The following ANKS1A variants were observed in gnomAD, a reference collection of about 807,000 sequenced individuals.
ANKS1A encodes ankyrin repeat and sterile alpha motif domain containing 1A, also known as ankyrin repeat and SAM domain-containing protein 1A.
In ANKS1A, 55 loss-of-function variants were observed where a neutral mutation model predicts 120.3. The observed-to-expected ratio is 0.46, with a 90% CI of 0.37 to 0.57. The LOEUF is 0.57. Ranked by LOEUF, ANKS1A falls within the 20% of genes least tolerant of loss-of-function variation. The pLI, the probability that ANKS1A is intolerant of heterozygous loss-of-function variation, is 0.00. For synonymous variants in ANKS1A, 590 were observed against 604.7 expected (o/e 0.98, Z 0.36); for missense variants, 1,123 against 1,480.3 (o/e 0.76, Z 3.96).
chr6:34,929,442 T>C (rs1344937964), intron 1 of ANKS1A, among the ~76,000 whole-genome samples: 1 of 152,210 alleles, frequency 6.6e-6, no homozygotes, highest in Non-Finnish European at 1.5e-5. Flanking sequence ...GCAGATATGC[T>C]AGATGGGGAA....
At chr6:35,000,777 A>G (rs1773125635) in intron 10 of ANKS1A, among the ~76,000 whole-genome samples, 1 of 152,186 alleles carries the variant, frequency 6.6e-6, no homozygotes, top group Non-Finnish European at 1.5e-5. Context: ...TACCTTTGGT[A>G]AAAGGATTAT....
At chr6:35,054,674 C>T (rs551483981) in intron 12 of ANKS1A, among the ~76,000 whole-genome samples, 1 of 152,344 alleles carries the variant, frequency 6.6e-6, no homozygotes, top group South Asian at 2.1e-4. Context: ...TACTTCATCA[C>T]TTACCATTCT....
chr6:35,090,107 C>T lies in ANKS1A; in HGVS notation c.*1498C>T. ...TGTGGGTTTCTATCTGCTAAGCACC[C>T]AGCAGGTTGGGGCCTGGGACTCAGC... On this transcript the variant is annotated 3_prime_UTR_variant, in exon 24 of 24. Coordinates refer to ENST00000360359, the MANE Select transcript of ANKS1A (RefSeq NM_015245.3). 4 of 1,289,064 alleles carry T rather than the reference C, an allele frequency of 3.1e-6. No homozygotes were observed. Among genetic ancestry groups the T allele is most frequent in the Non-Finnish European group, 3.0e-6 (3 of 988,626 alleles). 79.9% of individuals were successfully genotyped at this position (1,289,064 alleles called of 1,614,324 possible).
chr6:35,076,921 C>T (rs371406115), intron 13 of ANKS1A, among the ~76,000 whole-genome samples: 19 of 152,236 alleles, frequency 1.2e-4, no homozygotes, highest in East Asian at 9.7e-4. Context: ...TGAGCCACCG[C>T]GCCTGGCCAC....
chr6:35,020,017 A>G (rs571108525), intron 11 of ANKS1A, among the ~76,000 whole-genome samples: 2 of 152,180 alleles, frequency 1.3e-5, no homozygotes, highest in South Asian at 2.1e-4. Flanking sequence ...GCATGAGCAG[A>G]GGCATGGAGC....
At chr6:34,918,938 G>A (rs547824481) in intron 1 of ANKS1A, among the ~76,000 whole-genome samples, 2 of 152,178 alleles carry the variant, frequency 1.3e-5, no homozygotes, top group Non-Finnish European at 2.9e-5. Flanking sequence ...TGCAACACCC[G>A]CCTCCCGGGT....
At chr6:34,972,355 T>C (rs565451939) in intron 3 of ANKS1A, among the ~76,000 whole-genome samples, 1 of 152,270 alleles carries the variant, frequency 6.6e-6, no homozygotes, top group South Asian at 2.1e-4. Context: ...ACAAGTACTA[T>C]ATTGATTCAT....
At chr6:34,927,783 T>C (rs1441605628) in intron 1 of ANKS1A, among the ~76,000 whole-genome samples, 4 of 152,172 alleles carry the variant, frequency 2.6e-5, no homozygotes, top group African/African-American at 4.8e-5. Context: ...CCTGCCTGAA[T>C]GGCTGTGTAA....
intron 13 of ANKS1A, among the ~76,000 whole-genome samples, chr6:35,076,885 C>A (rs925414936): frequency 2.6e-5 from 4 of 152,192 alleles, no homozygotes; most frequent in Admixed American, 1.3e-4. Flanking sequence ...CTGCCTCAGC[C>A]TCCCAAAGTG....
intron 3 of ANKS1A, 63 bp downstream of exon 3, chr6:34,970,229 ACCAT>A: frequency 6.6e-7 from 1 of 1,524,578 alleles, no homozygotes; most frequent in South Asian, 1.3e-5. Context: ...CAACCCCATC[ACCAT>A]CTTAGCCCCA....
At chr6:34,966,827 G>A (rs545487670) in intron 1 of ANKS1A, among the ~76,000 whole-genome samples, 20 of 152,206 alleles carry the variant, frequency 1.3e-4, no homozygotes, top group African/African-American at 4.3e-4. Flanking sequence ...ATCCTTGCTC[G>A]TTGGCTCGTC....
chr6:35,003,625 C>T lies in ANKS1A; in HGVS notation c.1423+9203C>T, dbSNP rs978837978. 3.9e-5 allele frequency among the ~76,000 whole-genome samples: 6 copies of T among 152,268 alleles called. No individual in the cohort carries two copies. The East Asian group carries it at 5.8e-4, about 15-fold the overall frequency. On this transcript the variant is annotated intron_variant, in intron 10 of 23. Coordinates refer to ENST00000360359, the MANE Select transcript of ANKS1A (RefSeq NM_015245.3). ...ATAAGAGTTATAATAGTAATAGGAA[C>T]CTGCTTACTGCTCCCTTGTTTGCTA... is the stretch of plus-strand genomic sequence containing the variant.
intron 11 of ANKS1A, among the ~76,000 whole-genome samples, chr6:35,028,409 G>A (rs962355927): frequency 7.2e-5 from 11 of 152,170 alleles, no homozygotes; most frequent in African/African-American, 2.7e-4. Context: ...GGAATATATA[G>A]CTTAACCTCC....
chr6:34,929,498 T>C (rs1768873438), intron 1 of ANKS1A, among the ~76,000 whole-genome samples: 1 of 152,236 alleles, frequency 6.6e-6, no homozygotes, highest in South Asian at 2.1e-4. Context: ...TGTCTCTAGT[T>C]TGGCATACAG....
intron 11 of ANKS1A, among the ~76,000 whole-genome samples, chr6:35,029,757 A>G (rs1366113489): frequency 6.7e-6 from 1 of 148,382 alleles, no homozygotes; most frequent in Non-Finnish European, 1.5e-5. Context: ...ACATATACAT[A>G]TATAATTACA....
intron 9 of ANKS1A, among the ~76,000 whole-genome samples, chr6:34,991,186 A>G (rs996550410): frequency 2.6e-5 from 4 of 152,212 alleles, no homozygotes; most frequent in African/African-American, 4.8e-5. Flanking sequence ...GACTCATAGA[A>G]GCCTTTAGGA....
rs376339006 is a variant in ANKS1A, at chr6:35,079,629, T to G, written c.2397T>G (p.Ile799Met). Residue 799 changes from isoleucine (I) to methionine (M), a missense_variant, in exon 15 of 24, where the codon ATT becomes ATG. By Grantham distance (10) the Ile-to-Met change is conservative. Transcript: ENST00000360359. ...HSFLSSGYSS[I>M]DTVKNLWELE... ...TCTTGTCAAGTGGTTACAGCTCCAT[T>G]GACACCGTGAAGAACCTCTGGGAGC... 1.2e-6 allele frequency: 2 copies of G among 1,614,030 alleles called. No homozygotes were observed. The highest frequency in any genetic ancestry group is 2.7e-5 in the African/African-American group (2 of 74,914).
rs140014720 is a variant in ANKS1A, at chr6:35,004,044, T to C, written c.1423+9622T>C. Among the ~76,000 whole-genome samples, 46 of 152,288 alleles carry C rather than the reference T, an allele frequency of 3.0e-4. No individual in the cohort carries two copies. In the East Asian group the frequency reaches 7.9e-3, roughly 26 times the overall value. On this transcript the variant is annotated intron_variant, in intron 10 of 23. Coordinates refer to ENST00000360359, the MANE Select transcript of ANKS1A (RefSeq NM_015245.3). ...GTTATCTATAGATTATAGAAAGACA[T>C]TGTAAAACTTCCCGGTCTGTTCTGT...
In ANKS1A at chr6:35,050,349, G is replaced by T. The variant is rs1269239967; in HGVS notation, c.2011-3750G>T. ...AGTTTTCAGTCAGTTCACGTGAAGTGCACTAATAAGGAAGCATGGCCATTT... is the reference window on the plus strand; with the variant it reads ...AGTTTTCAGTCAGTTCACGTGAAGTTCACTAATAAGGAAGCATGGCCATTT... On this transcript the variant is annotated intron_variant, in intron 11 of 23. Transcript: ENST00000360359. This position sits in a 1 kb window ranked among gnomAD's most constrained non-coding sequence, Gnocchi z 4.3. Among the ~76,000 whole-genome samples the T allele has an allele frequency of 1.3e-5, 2 of 152,152 alleles. No individual in the cohort carries two copies. The highest frequency in any genetic ancestry group is 2.9e-5 in the Non-Finnish European group (2 of 68,036).
Sources: gnomAD v4.1 joint callset for allele counts (sites outside exome capture counted in the v4.1 genomes callset) on GRCh38, gnomAD v4.1.1 for gene constraint, Gnocchi (gnomAD v3.1) non-coding constraint, MANE v1.5 for transcripts, NCBI Gene and HGNC (gene_info 2026-07-23, HGNC 2026-07-21) for gene names.